Variants in L3MBTL4 observed in about 807,000 individuals in gnomAD.
The protein encoded by L3MBTL4 is lethal(3)malignant brain tumor-like protein 4.
In L3MBTL4, 70 loss-of-function variants were observed where a neutral mutation model predicts 84.5. The ratio of observed to expected loss-of-function variants is 0.83; its 90% CI spans 0.68 to 1.01. The LOEUF (loss-of-function observed/expected upper bound fraction) is 1.01, where lower values mean the gene tolerates loss of function less well. L3MBTL4 is among the 50% of genes least tolerant of loss of function. L3MBTL4 has a pLI of 0.00. For missense variants in L3MBTL4, 715 were observed against 754.8 expected, an observed-to-expected ratio of 0.95 and a Z score of 0.62; for synonymous variants, 274 against 259.8, an observed-to-expected ratio of 1.05 and a Z score of -0.52.
rs79725031 is a variant in L3MBTL4 at position 6,045,893 on chromosome 18, C to T, written c.1444+34988G>A. Among the ~76,000 whole-genome samples the T allele has an allele frequency of 9.8e-3, 1,488 of 152,208 alleles. 14 individuals are homozygous for T. The highest frequency in any genetic ancestry group is 0.016 in the Non-Finnish European group (1,121 of 68,010). Reference sequence around the variant, plus strand: ...TCAAAATCTCATATATCAACATTAACCCTGAATGCAAATAGTCTAAAACTC... The same window carrying T: ...TCAAAATCTCATATATCAACATTAATCCTGAATGCAAATAGTCTAAAACTC... On this transcript the variant is annotated intron_variant, in intron 16 of 18. Coordinates refer to ENST00000317931, the MANE Select transcript of L3MBTL4 (RefSeq NM_001330559.2).
At chr18:5,986,666 A>G (rs1394657396) in intron 16 of L3MBTL4, among the ~76,000 whole-genome samples, 1 of 152,178 alleles carries the variant, frequency 6.6e-6, no homozygotes, top group Admixed American at 6.5e-5. Context: ...AGCCTTCCCT[A>G]TATTGGGGAA....
intron 1 of L3MBTL4, among the ~76,000 whole-genome samples, chr18:6,356,071 G>T (rs572140393): frequency 6.6e-6 from 1 of 152,176 alleles, no homozygotes; most frequent in Non-Finnish European, 1.5e-5. Flanking sequence ...CAATGATGCC[G>T]TCAGCTCTCT....
chr18:6,150,882 G>A (rs2042863509), intron 13 of L3MBTL4, among the ~76,000 whole-genome samples: 1 of 152,196 alleles, frequency 6.6e-6, no homozygotes, highest in African/African-American at 2.4e-5. Context: ...ATTCAGAGAA[G>A]GAGAGAAAGC....
At chr18:5,976,288 G>A (rs1240685945) in intron 16 of L3MBTL4, among the ~76,000 whole-genome samples, 1 of 152,224 alleles carries the variant, frequency 6.6e-6, no homozygotes, top group African/African-American at 2.4e-5. Flanking sequence ...GATCTATTGG[G>A]TGAAATAGAA....
intron 16 of L3MBTL4, among the ~76,000 whole-genome samples, chr18:5,972,076 A>G (rs1276493395): frequency 2.0e-5 from 3 of 152,186 alleles, no homozygotes; most frequent in Non-Finnish European, 2.9e-5. Flanking sequence ...GGAGTCCTGC[A>G]TGGGCACTGG....
intron 5 of L3MBTL4, 59 bp downstream of exon 5, chr18:6,263,888 T>A: frequency 8.6e-7 from 1 of 1,160,828 alleles, no homozygotes; most frequent in Non-Finnish European, 1.3e-6. Flanking sequence ...TCATTTCATT[T>A]AAACTAAACC....
intron 13 of L3MBTL4, among the ~76,000 whole-genome samples, chr18:6,142,781 G>T (rs116136876): frequency 6.6e-6 from 1 of 152,044 alleles, no homozygotes; most frequent in African/African-American, 2.4e-5. Flanking sequence ...AGTTATTTGG[G>T]CATGGTGGCA....
chr18:6,155,398 G>A (rs2144899143), intron 13 of L3MBTL4, among the ~76,000 whole-genome samples: 1 of 152,298 alleles, frequency 6.6e-6, no homozygotes, highest in South Asian at 2.1e-4. Flanking sequence ...GCTGCTCAGA[G>A]AAGGTCTGAC....
At chr18:5,972,804 T>A (rs1306133360) in intron 16 of L3MBTL4, among the ~76,000 whole-genome samples, 1 of 151,776 alleles carries the variant, frequency 6.6e-6, no homozygotes, top group Non-Finnish European at 1.5e-5. Context: ...TTTCTACATA[T>A]CAAGGTTTTC....
intron 13 of L3MBTL4, among the ~76,000 whole-genome samples, chr18:6,158,847 A>G (rs1205398681): frequency 6.6e-6 from 1 of 152,168 alleles, no homozygotes; most frequent in Non-Finnish European, 1.5e-5. Flanking sequence ...CGGGGTCTCT[A>G]AAAGGGCTGG....
chr18:6,136,266 G>A (rs1357542696), intron 14 of L3MBTL4, among the ~76,000 whole-genome samples: 1 of 152,122 alleles, frequency 6.6e-6, no homozygotes. Context: ...CCAAGTGCTG[G>A]CAGGCCACTG....
intron 4 of L3MBTL4, among the ~76,000 whole-genome samples, chr18:6,264,852 G>A (rs757295781): frequency 6.3e-4 from 96 of 152,308 alleles, no homozygotes; most frequent in Non-Finnish European, 1.1e-3. Flanking sequence ...TAATGCAATC[G>A]CAGTAGACAC....
At chr18:6,259,112 A>G (rs568251559) in intron 5 of L3MBTL4, 9 of 152,252 alleles carry the variant, frequency 5.9e-5, no homozygotes, top group African/African-American at 2.2e-4. Flanking sequence ...GGAGGAGGGA[A>G]TGACGTGTTG....
chr18:6,056,166 A>G (rs1324353421), intron 16 of L3MBTL4, among the ~76,000 whole-genome samples: 1 of 152,116 alleles, frequency 6.6e-6, no homozygotes, highest in Non-Finnish European at 1.5e-5. Flanking sequence ...ATTTCCAAGA[A>G]GAAATTTCTG....
intron 16 of L3MBTL4, among the ~76,000 whole-genome samples, chr18:6,033,164 T>C (rs1199667498): frequency 6.6e-6 from 1 of 152,226 alleles, no homozygotes; most frequent in Non-Finnish European, 1.5e-5. Flanking sequence ...TGGTCTGTTA[T>C]TAGGTGCACA....
At chr18:6,093,610 C>A in intron 14 of L3MBTL4, 82 bp from the exon 15 acceptor site, 1 of 1,138,592 alleles carries the variant, frequency 8.8e-7, no homozygotes, top group East Asian at 2.7e-5. Flanking sequence ...CAGACTTACA[C>A]CTAATATTTA....
intron 5 of L3MBTL4, among the ~76,000 whole-genome samples, chr18:6,251,012 A>G (rs941595072): frequency 2.0e-5 from 3 of 152,212 alleles, no homozygotes; most frequent in African/African-American, 7.2e-5. Flanking sequence ...AGAGAATTTA[A>G]CTCTTTGACA....
intron 16 of L3MBTL4, among the ~76,000 whole-genome samples, chr18:5,990,414 A>T (rs760519457): frequency 2.0e-5 from 3 of 152,234 alleles, no homozygotes; most frequent in Non-Finnish European, 4.4e-5. Context: ...CATGTTATTA[A>T]TTCACATGGG....
intron 16 of L3MBTL4, among the ~76,000 whole-genome samples, chr18:5,991,770 G>A (rs2053711160): frequency 6.6e-6 from 1 of 152,018 alleles, no homozygotes; most frequent in Non-Finnish European, 1.5e-5. Context: ...CTTCTGTTCT[G>A]TGGAGTCCTG....
Sources: allele counts gnomAD v4.1 joint callset (sites outside exome capture counted in the v4.1 genomes callset), GRCh38; gene constraint gnomAD v4.1.1; transcripts MANE v1.5; gene names NCBI Gene and HGNC (gene_info 2026-07-23, HGNC 2026-07-21).